PTCH1: variants seen among roughly 807,000 people sequenced by gnomAD.
PTCH1 encodes protein patched homolog 1.
PTCH1 carries 14 observed loss-of-function variants against 144.6 expected under a neutral mutation model. The ratio of observed to expected loss-of-function variants is 0.10; its 90% confidence interval spans 0.06 to 0.15. PTCH1 has a LOEUF of 0.15. Ranked by LOEUF, PTCH1 falls within the 10% of genes least tolerant of loss-of-function variation. The pLI, the probability that PTCH1 is intolerant of heterozygous loss-of-function variation, is 1.00. For missense variants in PTCH1, 1,623 were observed against 1,948.3 expected (o/e 0.83, Z 3.14); for synonymous variants, 833 against 793.6 (o/e 1.05, Z -0.83).
chr9:95,459,584 A>G lies in PTCH1; in HGVS notation c.2887+16T>C. The G allele has an allele frequency of 1.9e-6, 3 of 1,612,866 alleles. No homozygotes were observed. The highest frequency in any genetic ancestry group is 2.5e-6 in the Non-Finnish European group (3 of 1,179,944). On this transcript the variant is annotated intron_variant, in intron 17 of 23. Coordinates refer to ENST00000331920, the MANE Select transcript of PTCH1 (RefSeq NM_000264.5). ...CCTCTGTAAGTTCCCAGACCTCCCG[A>G]TAAAACGCTACTTACTTCTCAGCCT...
chr9:95,471,453 G>C (rs1018157992), intron 12 of PTCH1, among the ~76,000 whole-genome samples: 1 of 152,222 alleles, frequency 6.6e-6, no homozygotes. Flanking sequence ...AGACCTGTCT[G>C]ATAGACCTAC....
At position 95,509,014 on chromosome 9, in the gene PTCH1, G is replaced by A. The variant is rs1313459438; in HGVS notation, c.-653C>T. On this transcript the variant is annotated 5_prime_UTR_variant, in exon 1 of 24. Transcript: ENST00000331920. ...CAGGAGCTGCTGCTCGGGCTGCTCG[G>A]GCTCTGGCTGCTGGGTTCGCGGTGG... 6.6e-6 allele frequency among the ~76,000 whole-genome samples: 1 copy of A among 151,610 alleles called. No homozygotes were observed. The highest frequency in any genetic ancestry group is 1.5e-5 in the Non-Finnish European group (1 of 67,866).
chr9:95,459,820 G>T (rs748017376), intron 16 of PTCH1, 37 bp from the exon 17 acceptor site: 26 of 1,608,168 alleles, frequency 1.6e-5, no homozygotes, highest in Non-Finnish European at 2.2e-5. Flanking sequence ...TTTGAGAATG[G>T]GGTTGGGGGT....
intron 3 of PTCH1, chr9:95,483,985 A>T (rs544872806): frequency 6.6e-6 from 1 of 152,174 alleles, no homozygotes; most frequent in African/African-American, 2.4e-5. Context: ...CAAATGCTCT[A>T]ATTAGTCTAA....
upstream of PTCH1, among the ~76,000 whole-genome samples, chr9:95,510,921 G>C (rs1440349978): frequency 6.6e-6 from 1 of 150,640 alleles, no homozygotes; most frequent in South Asian, 2.1e-4. Context: ...GGAGGCGGAT[G>C]CGCCGGGCCG....
At chr9:95,480,907 A>ATT (rs3215875) in intron 5 of PTCH1, among the ~76,000 whole-genome samples, 51 of 150,302 alleles carry the variant, frequency 3.4e-4, no homozygotes, top group East Asian at 3.3e-3. Context: ...CCAAAATTAA[A>ATT]TTTTTTTTTT....
Position 95,508,488 on chromosome 9 carries a change from G to A in PTCH1, c.-127C>T. ...CTTGCGAGGACGCTGCTGGCCGCAG[G>A]CTGCTCGGGCTCGGGCTCCGGTTGA... On this transcript the variant is annotated 5_prime_UTR_variant, in exon 1 of 24. Coordinates refer to ENST00000331920, the MANE Select transcript of PTCH1 (RefSeq NM_000264.5). 1 of 1,020,506 alleles carries A rather than the reference G, an allele frequency of 9.8e-7. No individual in the cohort carries two copies. The highest frequency in any genetic ancestry group is 1.2e-6 in the Non-Finnish European group (1 of 852,886). The allele number at this position is 1,020,506 out of a possible 1,614,324, so 63.2% of individuals were successfully genotyped here. A position where few individuals can be genotyped will look rare whatever the true frequency, so the allele number is the denominator to read the frequency against.
At chr9:95,482,674 C>T in intron 3 of PTCH1, 1 of 212,382 alleles carries the variant, frequency 4.7e-6, no homozygotes, top group African/African-American at 2.4e-5. Context: ...CTGCTCTTAA[C>T]CATTAATATT....
chr9:95,511,785 C>A (rs923839138), upstream of PTCH1, among the ~76,000 whole-genome samples: 2 of 152,216 alleles, frequency 1.3e-5, no homozygotes, highest in Non-Finnish European at 2.9e-5. Context: ...GTTATGCCGA[C>A]ACTTCAAGTC....
upstream of PTCH1, among the ~76,000 whole-genome samples, chr9:95,513,028 C>G (rs959748230): frequency 6.6e-5 from 10 of 152,192 alleles, no homozygotes; most frequent in Non-Finnish European, 1.3e-4. Context: ...TCTCCGGATT[C>G]CCTCACATCT....
chr9:95,483,335 G>A (rs1285829308), intron 3 of PTCH1: 1 of 150,234 alleles, frequency 6.7e-6, no homozygotes, highest in African/African-American at 2.5e-5. Flanking sequence ...ATCTTTCCAG[G>A]TGTGTTAGGG....
intron 16 of PTCH1, 41 bp downstream of exon 16, chr9:95,461,815 G>A (rs940265681): frequency 1.6e-5 from 25 of 1,612,490 alleles, no homozygotes; most frequent in East Asian, 2.2e-5. Context: ...CAGCGGCCCC[G>A]CAGCCCTGGA....
At chr9:95,512,494 G>A (rs982350685), upstream of PTCH1, among the ~76,000 whole-genome samples, 1 of 152,054 alleles carries the variant, frequency 6.6e-6, no homozygotes, top group Non-Finnish European at 1.5e-5. Flanking sequence ...AGAGGAGCCA[G>A]TGTAAAAGCC....
intron 18 of PTCH1, 109 bp from the exon 19 acceptor site, chr9:95,456,522 G>T: frequency 1.4e-6 from 2 of 1,394,484 alleles, no homozygotes; most frequent in Non-Finnish European, 9.8e-7. Flanking sequence ...TCAAAACAAT[G>T]AATGGACTGA....
intron 2 of PTCH1, among the ~76,000 whole-genome samples, chr9:95,496,814 C>G (rs532916389): frequency 6.6e-6 from 1 of 151,506 alleles, no homozygotes; most frequent in Non-Finnish European, 1.5e-5. Context: ...AGGAAAAATT[C>G]TTTTGTTATT....
intron 22 of PTCH1, among the ~76,000 whole-genome samples, chr9:95,448,726 A>C (rs1490352413): frequency 6.6e-6 from 1 of 151,012 alleles, no homozygotes; most frequent in African/African-American, 2.5e-5. Flanking sequence ...ATGCACCTTA[A>C]GAGGAAAAAA....
At chr9:95,516,735 C>T (rs200842963) in exon 1 of PTCH1, 2 of 1,611,530 alleles carry the variant, frequency 1.2e-6, no homozygotes, top group Non-Finnish European at 1.7e-6. Context: ...AGTGTAAAAA[C>T]CCCGGCGCGC....
chr9:95,508,564 C>A lies in PTCH1; in HGVS notation c.-203G>T. The A allele has an allele frequency of 6.0e-6, 6 of 1,003,664 alleles. No homozygotes were observed. The highest frequency in any genetic ancestry group is 7.1e-6 in the Non-Finnish European group (6 of 841,922). 62.2% of individuals were successfully genotyped at this position (1,003,664 alleles called of 1,614,324 possible). A position where few individuals can be genotyped will look rare whatever the true frequency, so the allele number is the denominator to read the frequency against. On this transcript the variant is annotated 5_prime_UTR_variant, in exon 1 of 24. Transcript: ENST00000331920. The stretch of plus-strand genomic sequence containing the variant: ...ACGGCGGGCGCTGCTGCCGCTGCGG[C>A]CGCGGCCGCTGCCGGGGAGTCAGAC...
intron 12 of PTCH1, among the ~76,000 whole-genome samples, chr9:95,471,339 G>GC (rs1346302455): frequency 1.3e-5 from 2 of 152,184 alleles, no homozygotes; most frequent in East Asian, 3.9e-4. Context: ...TCTCAAGAGC[G>GC]TTCTTCTAAA....
Sources: allele counts gnomAD v4.1 joint callset (sites outside exome capture counted in the v4.1 genomes callset), GRCh38; gene constraint gnomAD v4.1.1; transcripts MANE v1.5; gene names NCBI Gene and HGNC (gene_info 2026-07-23, HGNC 2026-07-21).